The following UNC80 variants were observed in gnomAD, a reference collection of about 807,000 sequenced individuals.
UNC80 encodes unc-80 subunit of NALCN channel complex.
A neutral mutation model predicts 384.6 loss-of-function variants in UNC80; 164 were observed. That is an observed-to-expected ratio of 0.43 (90% CI 0.38 to 0.49). The LOEUF is 0.49. Among genes scored for constraint, UNC80 ranks in the 20% least tolerant of loss-of-function variants. The pLI is 0.00. For missense variants in UNC80, 3,330 were observed against 4,143.0 expected (o/e 0.80, Z 5.39); for synonymous variants, 1,486 against 1,527.8 (o/e 0.97, Z 0.64).
chr2:209,804,679 T>TTA (rs992678961), intron 7 of UNC80, among the ~76,000 whole-genome samples: 135 of 150,324 alleles, frequency 9.0e-4, no homozygotes, highest in Non-Finnish European at 1.1e-3. Flanking sequence ...TTCTTAGAAG[T>TTA]TATATATATA....
chr2:209,811,577 A>G (rs192053543), intron 7 of UNC80, among the ~76,000 whole-genome samples: 1 of 152,350 alleles, frequency 6.6e-6, no homozygotes, highest in African/African-American at 2.4e-5. Flanking sequence ...CGGATGTCCA[A>G]AGAATATTCT....
chr2:209,832,289 C>T (rs1266145763), intron 16 of UNC80, among the ~76,000 whole-genome samples: 1 of 151,950 alleles, frequency 6.6e-6, no homozygotes, highest in Non-Finnish European at 1.5e-5. Context: ...ATCATCTGTT[C>T]CCCAAAACCT....
chr2:209,841,342 T>A (rs1352319462), intron 20 of UNC80, among the ~76,000 whole-genome samples: 1 of 152,100 alleles, frequency 6.6e-6, no homozygotes, highest in Non-Finnish European at 1.5e-5. Flanking sequence ...GGGTTTTTGT[T>A]GTTGTTGTTG....
At chr2:209,968,678 A>G (rs1335778360) in intron 52 of UNC80, 1 of 152,250 alleles carries the variant, frequency 6.6e-6, no homozygotes, top group African/African-American at 2.4e-5. Flanking sequence ...ATTTGTGTCT[A>G]TCAGCAAATG....
intron 43 of UNC80, among the ~76,000 whole-genome samples, chr2:209,940,353 T>G (rs2091544476): frequency 6.6e-6 from 1 of 152,170 alleles, no homozygotes; most frequent in Admixed American, 6.5e-5. Flanking sequence ...TTTGTCAAAA[T>G]TCAATGAACT....
At chr2:209,984,170 AATT>A (rs948783087) in intron 60 of UNC80, among the ~76,000 whole-genome samples, 3 of 152,214 alleles carry the variant, frequency 2.0e-5, no homozygotes, top group African/African-American at 7.2e-5. Context: ...TAAACAATTT[AATT>A]ATTCTCTCAC....
At chr2:209,890,796 A>G (rs2086256994) in intron 26 of UNC80, among the ~76,000 whole-genome samples, 2 of 152,246 alleles carry the variant, frequency 1.3e-5, no homozygotes, top group Non-Finnish European at 2.9e-5. Context: ...CACAATAAAT[A>G]GCTATTGTTG....
At chr2:209,964,340 C>T (rs1446922205) in intron 51 of UNC80, among the ~76,000 whole-genome samples, 1 of 152,200 alleles carries the variant, frequency 6.6e-6, no homozygotes, top group Non-Finnish European at 1.5e-5. Flanking sequence ...CTGCTAAGTA[C>T]TCTTGCCAAA....
intron 7 of UNC80, chr2:209,808,961 A>T (rs1169952888): frequency 3.2e-6 from 1 of 314,822 alleles, no homozygotes; most frequent in Non-Finnish European, 6.1e-6. Flanking sequence ...CTCATCTGGG[A>T]CGCCTTCCTG....
intron 47 of UNC80, among the ~76,000 whole-genome samples, chr2:209,953,464 A>G (rs2092283490): frequency 6.6e-6 from 1 of 151,078 alleles, no homozygotes; most frequent in Admixed American, 6.6e-5. Flanking sequence ...GTGGTGTTAT[A>G]CACTTACAAC....
chr2:209,847,422 A>G (rs1383203168), intron 21 of UNC80, among the ~76,000 whole-genome samples: 2 of 152,048 alleles, frequency 1.3e-5, no homozygotes, highest in African/African-American at 4.8e-5. Flanking sequence ...CTATATAAAT[A>G]CAATGGAAAA....
At chr2:209,822,845 T>C (rs1214049695) in intron 13 of UNC80, among the ~76,000 whole-genome samples, 2 of 152,186 alleles carry the variant, frequency 1.3e-5, no homozygotes, top group Admixed American at 6.5e-5. Context: ...GAGTTATCAC[T>C]TTTGATCAGT....
rs2079966533 is a variant in UNC80, at chr2:209,819,199, G to A, written c.1900G>A (p.Asp634Asn). The A allele has an allele frequency of 1.9e-6, 3 of 1,551,950 alleles. No homozygotes were observed. Among genetic ancestry groups the A allele is most frequent in the Non-Finnish European group, 2.6e-6 (3 of 1,147,050 alleles). The change falls in exon 12 of 65, where the codon GAC (aspartate) becomes AAC (asparagine). Residue 634 changes from aspartate (D) to asparagine (N), a missense_variant. Around this residue, in one of 8 missense-constraint regions of UNC80, gnomAD observed 937 missense variants for 1,026.8 expected, o/e 0.91. Coordinates refer to ENST00000673920, the MANE Select transcript of UNC80 (RefSeq NM_001371986.1). ...DSCINYSYLE[D>N]TEHIDGTNNF... ...CTGCATAAACTACAGCTACCTAGAG[G>A]ACACAGAACATATTGACGGGACCAA...
chr2:209,952,883 C>T (rs922562376), intron 47 of UNC80, among the ~76,000 whole-genome samples: 6 of 152,020 alleles, frequency 3.9e-5, no homozygotes, highest in Admixed American at 1.3e-4. Flanking sequence ...GTTCTTTCTC[C>T]GTACCCATGA....
At chr2:209,929,375 A>C (rs975460654) in intron 36 of UNC80, among the ~76,000 whole-genome samples, 2 of 152,172 alleles carry the variant, frequency 1.3e-5, no homozygotes, top group Non-Finnish European at 2.9e-5. Flanking sequence ...GTGAGAACCT[A>C]ATTGTTACTG....
chr2:209,871,868 G>A (rs1574833057), intron 22 of UNC80, among the ~76,000 whole-genome samples: 2 of 146,542 alleles, frequency 1.4e-5, no homozygotes, highest in Non-Finnish European at 3.0e-5. Context: ...ATGTCTTTCT[G>A]AAGAAATGCT....
At chr2:209,857,877 T>G (rs2083052652) in intron 22 of UNC80, among the ~76,000 whole-genome samples, 1 of 152,232 alleles carries the variant, frequency 6.6e-6, no homozygotes, top group Non-Finnish European at 1.5e-5. Flanking sequence ...CAATTTGTGT[T>G]GTTAATTTCT....
intron 28 of UNC80, among the ~76,000 whole-genome samples, chr2:209,902,974 G>T (rs1231651436): frequency 1.4e-5 from 2 of 144,962 alleles, no homozygotes; most frequent in Non-Finnish European, 3.0e-5. Context: ...CATGGGGATT[G>T]GTTCCAGGGC....
Position 209,806,753 on chromosome 2 carries a change from GTCT to G in UNC80, c.939-6823_939-6821del, listed in dbSNP as rs547323492. On this transcript the variant is annotated intron_variant, in intron 7 of 64. Transcript: ENST00000673920. ...CTGAACTTAAGTGAACTGCACATCA[GTCT>G]TCTCTGCACTCTGCAATAAGTAAAC... Among the ~76,000 whole-genome samples, 280 of 152,298 alleles carry G rather than the reference GTCT, an allele frequency of 1.8e-3. 1 individual carries two copies. The highest frequency in any genetic ancestry group is 6.5e-3 in the African/African-American group (271 of 41,562).
Sources: gnomAD v4.1 joint callset for allele counts (sites outside exome capture counted in the v4.1 genomes callset) on GRCh38, gnomAD v4.1.1 for gene constraint, gnomAD v4.1.1 regional missense constraint, MANE v1.5 for transcripts, NCBI Gene and HGNC (gene_info 2026-07-23, HGNC 2026-07-21) for gene names.